The following CSMD1 variants were observed in gnomAD, a reference collection of about 807,000 sequenced individuals.
CSMD1 encodes the protein CUB and sushi domain-containing protein 1.
Under a neutral mutation model 417.5 loss-of-function variants are expected in CSMD1, and 213 were observed. The ratio of observed to expected loss-of-function variants is 0.51; its 90% CI spans 0.46 to 0.57. The LOEUF (loss-of-function observed/expected upper bound fraction) is 0.57, where lower values mean the gene tolerates loss of function less well. Ranked by LOEUF, CSMD1 falls within the 20% of genes least tolerant of loss-of-function variation. CSMD1 has a pLI of 0.00. For synonymous variants in CSMD1, 2,862 were observed against 1,736.8 expected (o/e 1.65, Z -16.11); for missense variants, 6,923 against 4,529.7 (o/e 1.53, Z -15.17).
rs147678371 is a variant in CSMD1, at chr8:3,149,652, A to T, written c.6031+1745T>A. 4.8e-3 allele frequency among the ~76,000 whole-genome samples: 732 copies of T among 152,192 alleles called. 8 individuals are homozygous for T. Among genetic ancestry groups the T allele is most frequent in the African/African-American group, 0.017 (696 of 41,524 alleles). Reference sequence around the variant, plus strand: ...GCCACCATGCCCAGCTAAGTTTTGTATTTTTAGTAGAGACGGCGTTTCATC... The same window carrying T: ...GCCACCATGCCCAGCTAAGTTTTGTTTTTTTAGTAGAGACGGCGTTTCATC... On this transcript the variant is annotated intron_variant, in intron 40 of 69. Transcript: ENST00000635120.
intron 3 of CSMD1, among the ~76,000 whole-genome samples, chr8:4,346,113 G>A (rs1020252318): frequency 6.6e-6 from 1 of 152,112 alleles, no homozygotes; most frequent in Non-Finnish European, 1.5e-5. Flanking sequence ...TTCAGCATTA[G>A]AAAGGACCTG....
At chr8:4,030,919 G>A (rs1490551725) in intron 4 of CSMD1, among the ~76,000 whole-genome samples, 1 of 152,018 alleles carries the variant, frequency 6.6e-6, no homozygotes, top group African/African-American at 2.4e-5. Flanking sequence ...TCTAGGGCAG[G>A]GGCAAAATGC....
chr8:2,952,180 G>A (rs759398692), intron 65 of CSMD1, among the ~76,000 whole-genome samples: 2 of 152,168 alleles, frequency 1.3e-5, no homozygotes, highest in Non-Finnish European at 2.9e-5. Context: ...GCCTTCTGAT[G>A]TGCATGAATT....
chr8:4,291,869 T>G (rs1797386508), intron 3 of CSMD1, among the ~76,000 whole-genome samples: 1 of 152,210 alleles, frequency 6.6e-6, no homozygotes, highest in Non-Finnish European at 1.5e-5. Context: ...AAATTAGAAG[T>G]TTCCTTTCAG....
At chr8:3,830,940 C>T (rs1285108269) in intron 5 of CSMD1, among the ~76,000 whole-genome samples, 5 of 152,058 alleles carry the variant, frequency 3.3e-5, no homozygotes, top group Non-Finnish European at 7.4e-5. Context: ...TTCTTAAGTT[C>T]TTTCTGAGGG....
intron 5 of CSMD1, among the ~76,000 whole-genome samples, chr8:3,850,905 TA>T (rs1485360917): frequency 6.6e-6 from 1 of 152,130 alleles, no homozygotes; most frequent in African/African-American, 2.4e-5. Context: ...AAACAGAGTT[TA>T]AAGTTTTCTA....
At chr8:3,346,954 G>T (rs1267949206) in intron 22 of CSMD1, among the ~76,000 whole-genome samples, 1 of 152,208 alleles carries the variant, frequency 6.6e-6, no homozygotes, top group African/African-American at 2.4e-5. Flanking sequence ...GCTGAAATAA[G>T]CAGGTGACTG....
At chr8:3,758,942 G>T (rs1797833003) in intron 5 of CSMD1, among the ~76,000 whole-genome samples, 1 of 152,190 alleles carries the variant, frequency 6.6e-6, no homozygotes, top group Non-Finnish European at 1.5e-5. Flanking sequence ...GTGGACAAAG[G>T]TCAGAGTGAC....
intron 12 of CSMD1, among the ~76,000 whole-genome samples, chr8:3,424,284 T>C (rs778570820): frequency 5.9e-5 from 9 of 152,206 alleles, no homozygotes; most frequent in Non-Finnish European, 1.3e-4. Context: ...AAAAGCCAGG[T>C]ATTGCCTAGT....
At chr8:4,753,809 G>A (rs972626416) in intron 1 of CSMD1, among the ~76,000 whole-genome samples, 3 of 152,158 alleles carry the variant, frequency 2.0e-5, no homozygotes, top group African/African-American at 7.2e-5. Context: ...TTACTCCATC[G>A]CACTTTCTTC....
intron 2 of CSMD1, among the ~76,000 whole-genome samples, chr8:4,485,545 C>G (rs960481849): frequency 1.3e-5 from 2 of 152,106 alleles, no homozygotes; most frequent in Non-Finnish European, 2.9e-5. Flanking sequence ...TGGCAATATT[C>G]TTATAATTGG....
intron 5 of CSMD1, among the ~76,000 whole-genome samples, chr8:3,770,871 AT>A (rs748198491): frequency 5.8e-4 from 88 of 152,258 alleles, no homozygotes; most frequent in African/African-American, 1.1e-3. Context: ...TGTAGCTCAT[AT>A]TTTTTAGTCT....
chr8:3,594,670 T>G (rs555426481), intron 8 of CSMD1, among the ~76,000 whole-genome samples: 76 of 152,324 alleles, frequency 5.0e-4, no homozygotes, highest in African/African-American at 1.7e-3. Flanking sequence ...CTTCTCTCAC[T>G]TCTGAGGCAT....
intron 6 of CSMD1, among the ~76,000 whole-genome samples, chr8:3,711,552 C>T (rs751157199): frequency 6.6e-6 from 1 of 152,180 alleles, no homozygotes; most frequent in African/African-American, 2.4e-5. Flanking sequence ...CTGGCGTCTT[C>T]CTCCTCTTCT....
At chr8:3,839,127 C>G (rs1216274321) in intron 5 of CSMD1, among the ~76,000 whole-genome samples, 2 of 126,502 alleles carry the variant, frequency 1.6e-5, no homozygotes, top group Non-Finnish European at 3.1e-5. Context: ...TATGTATACT[C>G]TCTCTAGATA....
chr8:3,449,620 C>G (rs999436405), intron 12 of CSMD1, among the ~76,000 whole-genome samples: 4 of 151,886 alleles, frequency 2.6e-5, no homozygotes, highest in Non-Finnish European at 4.4e-5. Context: ...TGGGTTCAAG[C>G]AATACTCCTG....
chr8:3,802,789 C>T (rs928094602), intron 5 of CSMD1, among the ~76,000 whole-genome samples: 2 of 152,124 alleles, frequency 1.3e-5, no homozygotes, highest in African/African-American at 4.8e-5. Flanking sequence ...GCTCCCTTTG[C>T]TTTAACTAAA....
chr8:4,367,689 A>G (rs192351657), intron 3 of CSMD1, among the ~76,000 whole-genome samples: 3 of 152,294 alleles, frequency 2.0e-5, no homozygotes, highest in Admixed American at 1.3e-4. Context: ...CTTCCTGACC[A>G]TGAGCACTGA....
chr8:3,936,639 A>T (rs1425298358), intron 5 of CSMD1, among the ~76,000 whole-genome samples: 1 of 152,162 alleles, frequency 6.6e-6, no homozygotes, highest in Non-Finnish European at 1.5e-5. Flanking sequence ...TCAGAAAAAG[A>T]TTCCTTTCTA....
Sources: allele counts gnomAD v4.1 joint callset (sites outside exome capture counted in the v4.1 genomes callset), GRCh38; gene constraint gnomAD v4.1.1; transcripts MANE v1.5; gene names NCBI Gene and HGNC (gene_info 2026-07-23, HGNC 2026-07-21).